Variants in KCND2 observed in about 807,000 individuals in gnomAD.
KCND2 encodes A-type voltage-gated potassium channel KCND2.
In KCND2, 16 loss-of-function variants were observed where a neutral mutation model predicts 54.4. That is an observed-to-expected ratio of 0.29 (90% CI 0.20 to 0.45). The LOEUF (loss-of-function observed/expected upper bound fraction) is 0.45, where lower values mean the gene tolerates loss of function less well. Ranked by LOEUF, KCND2 falls within the 20% of genes least tolerant of loss-of-function variation. The pLI is 1.00. For synonymous variants in KCND2, 317 were observed against 310.7 expected, an observed-to-expected ratio of 1.02 and a Z score of -0.21; for missense variants, 486 against 824.2, an observed-to-expected ratio of 0.59 and a Z score of 5.02.
chr7:120,430,241 A>G (rs367744740), intron 1 of KCND2, among the ~76,000 whole-genome samples: 6 of 152,112 alleles, frequency 3.9e-5, no homozygotes, highest in African/African-American at 1.4e-4. Context: ...GTGTCCTCAC[A>G]TGGCCTTTTC....
rs533394911 is a variant in KCND2 at position 120,714,974 on chromosome 7, A to G, written c.1116-17929A>G. On this transcript the variant is annotated intron_variant, in intron 1 of 5. Coordinates refer to ENST00000331113, the MANE Select transcript of KCND2 (RefSeq NM_012281.3). ...GGGATATCAGAAATTAGTGATTGAG[A>G]ATCAAGCACTTACATTCTAAAGATA... Among the ~76,000 whole-genome samples, 7 of 152,216 alleles carry G rather than the reference A, an allele frequency of 4.6e-5. No homozygotes were observed. The East Asian group carries it at 1.4e-3, about 29-fold the overall frequency.
intron 1 of KCND2, among the ~76,000 whole-genome samples, chr7:120,391,071 C>T (rs1341311739): frequency 2.6e-5 from 4 of 152,062 alleles, no homozygotes; most frequent in African/African-American, 9.7e-5. Flanking sequence ...TCCCCTTTGC[C>T]TCCACTGCCC....
At chr7:120,520,026 T>C (rs1207910279) in intron 1 of KCND2, among the ~76,000 whole-genome samples, 1 of 152,104 alleles carries the variant, frequency 6.6e-6, no homozygotes, top group Non-Finnish European at 1.5e-5. Flanking sequence ...TTTTCAAAAG[T>C]AATGATTGCT....
At chr7:120,592,666 T>C (rs532374072) in intron 1 of KCND2, among the ~76,000 whole-genome samples, 3 of 152,356 alleles carry the variant, frequency 2.0e-5, no homozygotes, top group African/African-American at 7.2e-5. Flanking sequence ...TCATCATGCA[T>C]CAGTGTGCAT....
At chr7:120,700,443 C>T (rs1171311748) in intron 1 of KCND2, among the ~76,000 whole-genome samples, 1 of 152,174 alleles carries the variant, frequency 6.6e-6, no homozygotes, top group African/African-American at 2.4e-5. Flanking sequence ...TACAAAGCCA[C>T]ATTTCTATTT....
At chr7:120,285,273 A>T (rs1240038105) in intron 1 of KCND2, among the ~76,000 whole-genome samples, 1 of 152,088 alleles carries the variant, frequency 6.6e-6, no homozygotes, top group East Asian at 1.9e-4. Flanking sequence ...ATCATAGCCA[A>T]TAATATGGAA....
intron 1 of KCND2, among the ~76,000 whole-genome samples, chr7:120,591,263 G>A (rs1792668324): frequency 6.6e-6 from 1 of 152,094 alleles, no homozygotes; most frequent in South Asian, 2.1e-4. Flanking sequence ...TAACATATTG[G>A]TACATTCATA....
chr7:120,707,164 G>A (rs1792479200), intron 1 of KCND2, among the ~76,000 whole-genome samples: 1 of 152,098 alleles, frequency 6.6e-6, no homozygotes, highest in Non-Finnish European at 1.5e-5. Flanking sequence ...TGAACCTTTT[G>A]TTTACCAGTT....
chr7:120,552,129 G>A (rs1417054768), intron 1 of KCND2, among the ~76,000 whole-genome samples: 1 of 152,082 alleles, frequency 6.6e-6, no homozygotes, highest in African/African-American at 2.4e-5. Context: ...CTAGTATGAA[G>A]TTTTCCTTAT....
chr7:120,524,321 G>C (rs749463460), intron 1 of KCND2, among the ~76,000 whole-genome samples: 5 of 152,062 alleles, frequency 3.3e-5, no homozygotes, highest in Non-Finnish European at 7.4e-5. Context: ...GATAGGAGTA[G>C]AGTCTGATAG....
chr7:120,323,408 A>G (rs112134665), intron 1 of KCND2, among the ~76,000 whole-genome samples: 9 of 151,956 alleles, frequency 5.9e-5, no homozygotes, highest in African/African-American at 2.2e-4. Context: ...CTAACTCGTC[A>G]TCTAGCATTA....
At chr7:120,659,909 T>C (rs1202908926) in intron 1 of KCND2, among the ~76,000 whole-genome samples, 1 of 152,152 alleles carries the variant, frequency 6.6e-6, no homozygotes, top group East Asian at 1.9e-4. Flanking sequence ...ACCTGTGTTG[T>C]TCAAGAGTCA....
chr7:120,656,300 G>T (rs1791802667), intron 1 of KCND2, among the ~76,000 whole-genome samples: 1 of 152,026 alleles, frequency 6.6e-6, no homozygotes, highest in Non-Finnish European at 1.5e-5. Flanking sequence ...AATACTTAAG[G>T]ATATACTCTA....
At chr7:120,377,597 G>T (rs1800852890) in intron 1 of KCND2, among the ~76,000 whole-genome samples, 1 of 151,798 alleles carries the variant, frequency 6.6e-6, no homozygotes. Context: ...TAAGGTAACA[G>T]TTTAAGGAGT....
intron 1 of KCND2, among the ~76,000 whole-genome samples, chr7:120,480,764 T>G (rs1370419464): frequency 5.9e-5 from 9 of 152,214 alleles, no homozygotes; most frequent in Admixed American, 5.9e-4. Context: ...CAAAATAAAC[T>G]TCTGTTCTTT....
intron 1 of KCND2, among the ~76,000 whole-genome samples, chr7:120,490,707 G>A (rs1802766964): frequency 6.6e-6 from 1 of 152,046 alleles, no homozygotes; most frequent in African/African-American, 2.4e-5. Flanking sequence ...AGTACCTTAA[G>A]CACTCCCTAG....
chr7:120,566,632 C>T (rs1198239711), intron 1 of KCND2, among the ~76,000 whole-genome samples: 1 of 152,020 alleles, frequency 6.6e-6, no homozygotes, highest in Non-Finnish European at 1.5e-5. Context: ...AGGCATGAGC[C>T]CGGTCTTGTG....
intron 1 of KCND2, among the ~76,000 whole-genome samples, chr7:120,365,591 T>G (rs1800663650): frequency 6.6e-6 from 1 of 152,098 alleles, no homozygotes; most frequent in South Asian, 2.1e-4. Flanking sequence ...TGCGTGCCCC[T>G]GATTAAGGTA....
At chr7:120,342,923 T>A (rs1028858897) in intron 1 of KCND2, among the ~76,000 whole-genome samples, 2 of 152,126 alleles carry the variant, frequency 1.3e-5, no homozygotes, top group South Asian at 4.1e-4. Context: ...TGAAAAATGA[T>A]CACAGAATTA....
Sources: gnomAD v4.1 joint callset for allele counts (sites outside exome capture counted in the v4.1 genomes callset) on GRCh38, gnomAD v4.1.1 for gene constraint, MANE v1.5 for transcripts, NCBI Gene and HGNC (gene_info 2026-07-23, HGNC 2026-07-21) for gene names.